Variants in ZNF559 observed in about 807,000 individuals in gnomAD.
The protein encoded by ZNF559 is zinc finger protein 559.
Under a neutral mutation model 14.2 loss-of-function variants are expected in ZNF559, and 17 were observed. The ratio of observed to expected loss-of-function variants is 1.20; its 90% CI spans 0.82 to 1.80. The LOEUF is 1.80. ZNF559 is among the 40% of genes most tolerant of loss of function. The pLI, the probability that ZNF559 is intolerant of heterozygous loss-of-function variation, is 0.00. For synonymous variants in ZNF559, 244 were observed against 212.4 expected (o/e 1.15, Z -1.29); for missense variants, 740 against 629.7 (o/e 1.18, Z -1.88).
At chr19:9,326,379 A>G (rs1190498883) in intron 2 of ZNF559, among the ~76,000 whole-genome samples, 13 of 151,970 alleles carry the variant, frequency 8.6e-5, no homozygotes, top group Non-Finnish European at 1.5e-4. Context: ...TACTGCGTGA[A>G]CCACCATGCC....
In ZNF559 at chr19:9,324,666, C is replaced by T. The variant is rs769288814; in HGVS notation, c.-205-29C>T. 5.0e-5 allele frequency: 66 copies of T among 1,330,368 alleles called. No individual in the cohort carries two copies. In the Middle Eastern group the frequency reaches 7.7e-4, roughly 16 times the overall value. The allele number at this position is 1,330,368 out of a possible 1,614,324, so 82.4% of individuals were successfully genotyped here. ...ATGGAAAAAAAAAAAAAAGTCTCCA[C>T]ATCCAGCGTTGTGCCTTTTCTCTAT... On this transcript the variant is annotated intron_variant, in intron 1 of 6. Coordinates refer to ENST00000603380, the MANE Select transcript of ZNF559 (RefSeq NM_032497.3).
rs2067626544 is a variant in ZNF559, at chr19:9,342,449, C to T, written c.998C>T (p.Ala333Val). ...KPYECNKCGK[A>V]FTDSSGLIKH... ...TATGAGTGCAACAAATGTGGGAAAG[C>T]CTTCACTGATTCATCAGGTCTTATA... Residue 333 changes from alanine to valine, a missense_variant, in exon 7 of 7, where the codon GCC becomes GTC. Coordinates refer to ENST00000603380, the MANE Select transcript of ZNF559 (RefSeq NM_032497.3). 6.2e-7 allele frequency: 1 copy of T among 1,613,984 alleles called. No homozygotes were observed.
In ZNF559 at chr19:9,345,661, T is replaced by TA. The variant is rs1233856310; in HGVS notation, c.*2593_*2594insA. On this transcript the variant is annotated 3_prime_UTR_variant, in exon 7 of 7. Coordinates refer to ENST00000603380, the MANE Select transcript of ZNF559 (RefSeq NM_032497.3). ...CTTTATTTTTTATTTATTTTTATTT[T>TA]TTTTTATATAGAGACAGGGTTTTAC... The TA allele has an allele frequency of 2.0e-5, 3 of 151,234 alleles. No individual in the cohort carries two copies. The highest frequency in any genetic ancestry group is 4.9e-5 in the African/African-American group (2 of 41,206). 9.4% of individuals were successfully genotyped at this position (151,234 alleles called of 1,614,324 possible). A position where few individuals can be genotyped will look rare whatever the true frequency, so the allele number is the denominator to read the frequency against.
At chr19:9,328,553 A>G (rs1449691504) in intron 2 of ZNF559, among the ~76,000 whole-genome samples, 1 of 151,440 alleles carries the variant, frequency 6.6e-6, no homozygotes, top group Non-Finnish European at 1.5e-5. Flanking sequence ...AGCTTTCATC[A>G]TGTTGGCTAG....
Position 9,345,036 on chromosome 19 carries a change from C to T in ZNF559, c.*1968C>T, listed in dbSNP as rs1257694834. The T allele has an allele frequency of 6.6e-6, 1 of 152,178 alleles. No homozygotes were observed. Among genetic ancestry groups the T allele is most frequent in the Non-Finnish European group, 1.5e-5 (1 of 68,048 alleles). 9.4% of individuals were successfully genotyped at this position (152,178 alleles called of 1,614,324 possible). On this transcript the variant is annotated 3_prime_UTR_variant, in exon 7 of 7. Coordinates refer to ENST00000603380, the MANE Select transcript of ZNF559 (RefSeq NM_032497.3). ...TCACCCTTCCCTGCCTGTCACTCTC[C>T]TGATCCACTGATTTGCTTTCTCTTA...
At chr19:9,331,542 CAA>C (rs1054666023) in intron 2 of ZNF559, among the ~76,000 whole-genome samples, 42 of 152,230 alleles carry the variant, frequency 2.8e-4, no homozygotes, top group African/African-American at 8.2e-4. Context: ...AAAATTGTGA[CAA>C]GAGACAAAGG....
At chr19:9,324,617 G>C in intron 1 of ZNF559, 78 bp from the exon 2 acceptor site, 1 of 1,016,972 alleles carries the variant, frequency 9.8e-7, no homozygotes, top group Non-Finnish European at 1.3e-6. Context: ...AACATAGGGA[G>C]ACCCCCCCCC....
intron 2 of ZNF559, among the ~76,000 whole-genome samples, chr19:9,325,619 C>T (rs1416501789): frequency 2.0e-5 from 3 of 151,884 alleles, no homozygotes; most frequent in South Asian, 2.1e-4. Flanking sequence ...AGTGAAACCC[C>T]GTCTTTACTC....
chr19:9,339,452 C>T (rs927070206), intron 5 of ZNF559, 133 bp downstream of exon 5: 1 of 1,014,360 alleles, frequency 9.9e-7, no homozygotes, highest in South Asian at 1.7e-5. Flanking sequence ...TCTCATAGAC[C>T]TTACTGCCTT....
chr19:9,343,812 T>C lies in ZNF559; in HGVS notation c.*744T>C. Reference sequence around the variant, plus strand: ...AAATATACATGTTTTAAAGAGGTTATATATCATTAATAAAAATATCTAGCT... The same window carrying C: ...AAATATACATGTTTTAAAGAGGTTACATATCATTAATAAAAATATCTAGCT... On this transcript the variant is annotated 3_prime_UTR_variant, in exon 7 of 7. Coordinates refer to ENST00000603380, the MANE Select transcript of ZNF559 (RefSeq NM_032497.3). 1 of 984,514 alleles carries C rather than the reference T, an allele frequency of 1.0e-6. No individual in the cohort carries two copies. The highest frequency in any genetic ancestry group is 1.2e-6 in the Non-Finnish European group (1 of 829,106). 61.0% of individuals were successfully genotyped at this position (984,514 alleles called of 1,614,324 possible).
chr19:9,325,519 G>C (rs769366826), intron 2 of ZNF559, among the ~76,000 whole-genome samples: 33 of 151,268 alleles, frequency 2.2e-4, no homozygotes, highest in Non-Finnish European at 4.0e-4. Flanking sequence ...TAGTCCAGGT[G>C]TGGTGGCTCA....
chr19:9,341,777 A>C lies in ZNF559; in HGVS notation c.326A>C (p.His109Pro), dbSNP rs768164904. 6.2e-7 allele frequency: 1 copy of C among 1,606,450 alleles called. No individual in the cohort carries two copies. Among genetic ancestry groups the C allele is most frequent in the Non-Finnish European group, 8.5e-7 (1 of 1,178,018 alleles). The change falls in exon 7 of 7, where the codon CAC (histidine) becomes CCC (proline). Residue 109 changes from histidine (H) to proline (P), a missense_variant. Physicochemically the swap from His to Pro is moderately conservative, Grantham distance 77. Transcript: ENST00000603380. ...ALSEHSCLKT[H>P]RRTYFRKKTC... is the part of the protein sequence containing the mutation. ...AGTGAACACTCATGCCTTAAGACTC[A>C]CAGGAGAACTTACTTTAGAAAGAAA... is the stretch of plus-strand genomic sequence containing the variant.
At chr19:9,324,257 G>T in intron 1 of ZNF559, 29 bp downstream of exon 1, 1 of 1,536,094 alleles carries the variant, frequency 6.5e-7, no homozygotes, top group Non-Finnish European at 8.7e-7. Context: ...GCGGCGTTCG[G>T]TGGTGTCCCG....
In ZNF559 at chr19:9,324,201, T is replaced by G. The variant is rs574777916; in HGVS notation, c.-233T>G. 170 of 1,536,092 alleles carry G rather than the reference T, an allele frequency of 1.1e-4. No individual in the cohort carries two copies. The highest frequency in any genetic ancestry group is 1.4e-4 in the Non-Finnish European group (162 of 1,146,872). ...CGCATGCGCATAACGGCCGCCATCT[T>G]AACAGCGCGTTCCCGTTGGCGTCTG... On this transcript the variant is annotated 5_prime_UTR_variant, in exon 1 of 7. The change creates a premature stop within an existing upstream ORF in the 5' untranslated region. Transcript: ENST00000603380.
At chr19:9,341,492 A>G (rs567810159) in intron 6 of ZNF559, 45 of 960,972 alleles carry the variant, frequency 4.7e-5, no homozygotes, top group East Asian at 7.8e-5. Context: ...AGTAAAGAAT[A>G]TAACAGAACT....
Position 9,342,240 on chromosome 19 carries a change from T to C in ZNF559, c.789T>C (p.His263=). The C allele has an allele frequency of 6.3e-7, 1 of 1,586,268 alleles. No homozygotes were observed. Among genetic ancestry groups the C allele is most frequent in the Non-Finnish European group, 8.5e-7 (1 of 1,170,598 alleles). ...SSYLTQHLRT[H]SRVLPIEHKK... is the part of the protein sequence containing the mutation. ...ATCTTACTCAACATTTAAGAACTCA[T>C]AGTAGAGTGTTACCTATAGAACATA... Residue 263 remains histidine, a synonymous_variant, in exon 7 of 7, where the codon CAT becomes CAC. Transcript: ENST00000603380.
At position 9,345,248 on chromosome 19, in the gene ZNF559, A is replaced by G. The variant is rs1346758985; in HGVS notation, c.*2180A>G. On this transcript the variant is annotated 3_prime_UTR_variant, in exon 7 of 7. Coordinates refer to ENST00000603380, the MANE Select transcript of ZNF559 (RefSeq NM_032497.3). Reference sequence around the variant, plus strand: ...TTATTTCTACCTTTTGGCTATTGCAATTAAAACTGCCTTGAATACCCATAT... The same window carrying G: ...TTATTTCTACCTTTTGGCTATTGCAGTTAAAACTGCCTTGAATACCCATAT... 1 of 152,246 alleles carries G rather than the reference A, an allele frequency of 6.6e-6. No homozygotes were observed. The highest frequency in any genetic ancestry group is 2.4e-5 in the African/African-American group (1 of 41,460). The allele number at this position is 152,246 out of a possible 1,614,324, so 9.4% of individuals were successfully genotyped here. A position where few individuals can be genotyped will look rare whatever the true frequency, so the allele number is the denominator to read the frequency against.
chr19:9,342,867 A>G lies in ZNF559; in HGVS notation c.1416A>G (p.Gln472=), dbSNP rs761816917. 9 of 1,614,132 alleles carry G rather than the reference A, an allele frequency of 5.6e-6. No individual in the cohort carries two copies. The South Asian group carries it at 8.8e-5, about 16-fold the overall frequency. Residue 472 remains glutamine (Q), a synonymous_variant, in exon 7 of 7, where the codon CAA becomes CAG. Transcript: ENST00000603380. ...CATATAAATGTCAAAAGTGTGGGCA[A>G]GCCTTCAGTATCTCATCAGGCCTTA... ...ERPYKCQKCG[Q]AFSISSGLTV... is the part of the protein sequence containing the mutation.
intron 1 of ZNF559, 70 bp from the exon 2 acceptor site, chr19:9,324,625 C>CA: frequency 3.9e-6 from 4 of 1,029,034 alleles, no homozygotes; most frequent in Non-Finnish European, 5.5e-6. Flanking sequence ...GAGACCCCCC[C>CA]CCCCAACCAT....
Sources: allele counts gnomAD v4.1 joint callset (sites outside exome capture counted in the v4.1 genomes callset), GRCh38; gene constraint gnomAD v4.1.1; transcripts MANE v1.5; gene names NCBI Gene and HGNC (gene_info 2026-07-23, HGNC 2026-07-21).